Variants in ATRN observed in about 807,000 individuals in gnomAD.
ATRN encodes the protein attractin-2.
In ATRN, 54 loss-of-function variants were observed where a neutral mutation model predicts 178.7. The observed-to-expected ratio is 0.30, with a 90% CI of 0.24 to 0.38. The LOEUF (loss-of-function observed/expected upper bound fraction) is 0.38, where lower values mean the gene tolerates loss of function less well. ATRN is among the 10% of genes least tolerant of loss of function. ATRN has a pLI of 1.00. For synonymous variants in ATRN, 636 were observed against 663.0 expected, an observed-to-expected ratio of 0.96 and a Z score of 0.63; for missense variants, 1,443 against 1,815.1, an observed-to-expected ratio of 0.79 and a Z score of 3.73.
chr20:3,560,178 C>T (rs2085931465), intron 7 of ATRN, among the ~76,000 whole-genome samples: 1 of 152,020 alleles, frequency 6.6e-6, no homozygotes, highest in Non-Finnish European at 1.5e-5. Flanking sequence ...CTCTGGTAAC[C>T]ACCAGTCTAC....
At chr20:3,591,135 T>C (rs17782628) in intron 18 of ATRN, 34 bp from the exon 19 acceptor site, 74,867 of 1,561,006 alleles carry the variant, frequency 0.048, 2,061 homozygotes, top group Non-Finnish European at 0.055. Flanking sequence ...AGTTCTTCCA[T>C]GGTACAGACC....
chr20:3,609,936 G>C (rs1414997347), intron 24 of ATRN, among the ~76,000 whole-genome samples: 2 of 152,142 alleles, frequency 1.3e-5, no homozygotes, highest in African/African-American at 4.8e-5. Flanking sequence ...AAGTGGATTG[G>C]AGGTTACCAG....
At chr20:3,552,015 TCTTA>T (rs1751726623) in intron 6 of ATRN, among the ~76,000 whole-genome samples, 1 of 152,242 alleles carries the variant, frequency 6.6e-6, no homozygotes, top group African/African-American at 2.4e-5. Context: ...TTAGTTCTTA[TCTTA>T]CTTGATCTGG....
chr20:3,611,970 C>T (rs897640962), intron 24 of ATRN, among the ~76,000 whole-genome samples: 2 of 152,206 alleles, frequency 1.3e-5, no homozygotes, highest in Non-Finnish European at 2.9e-5. Flanking sequence ...TATCATATAA[C>T]CCAGCAATTG....
At chr20:3,523,887 A>C (rs1356387834) in intron 1 of ATRN, among the ~76,000 whole-genome samples, 1 of 152,238 alleles carries the variant, frequency 6.6e-6, no homozygotes, top group Non-Finnish European at 1.5e-5. Context: ...TGTCATCACC[A>C]GGCCTGCCTT....
chr20:3,521,520 G>A (rs1006574067), intron 1 of ATRN, among the ~76,000 whole-genome samples: 5 of 152,104 alleles, frequency 3.3e-5, no homozygotes, highest in African/African-American at 1.2e-4. Context: ...GAACTAAAAT[G>A]GGAAATGTGC....
At chr20:3,472,506 G>A (rs568984300) in intron 1 of ATRN, among the ~76,000 whole-genome samples, 89 of 152,312 alleles carry the variant, frequency 5.8e-4, no homozygotes, top group Admixed American at 5.7e-3. Context: ...ATTCTAGTGG[G>A]AGCAACAGGC....
chr20:3,490,448 C>T (rs1274370983), intron 1 of ATRN: 1 of 947,342 alleles, frequency 1.1e-6, no homozygotes, highest in Non-Finnish European at 1.8e-6. Context: ...TGAAGTTACT[C>T]AAGCAGCATC....
At chr20:3,642,138 T>A (rs2087073997) in intron 27 of ATRN, among the ~76,000 whole-genome samples, 1 of 152,216 alleles carries the variant, frequency 6.6e-6, no homozygotes. Flanking sequence ...CTCTTCATCT[T>A]TTGACAGTGG....
chr20:3,588,147 C>T (rs117812222), intron 18 of ATRN, among the ~76,000 whole-genome samples: 5,810 of 152,250 alleles, frequency 0.038, 147 homozygotes, highest in Non-Finnish European at 0.056. Flanking sequence ...CACGCCTGGC[C>T]CTTGCCATCT....
chr20:3,572,652 TAAA>T (rs11475024), intron 11 of ATRN, 76 bp from the exon 12 acceptor site: 9,567 of 1,011,060 alleles, frequency 9.5e-3, no homozygotes, highest in South Asian at 0.017. Context: ...CCCTGTCTCT[TAAA>T]AAAAAAAAAA....
intron 1 of ATRN, chr20:3,489,937 T>C: frequency 8.9e-7 from 1 of 1,121,668 alleles, no homozygotes; most frequent in Non-Finnish European, 1.4e-6. Flanking sequence ...TCACTCTCAC[T>C]CTTACTGATC....
chr20:3,544,511 GGT>G (rs1309139054), intron 3 of ATRN, among the ~76,000 whole-genome samples: 1 of 152,116 alleles, frequency 6.6e-6, no homozygotes, highest in Middle Eastern at 3.2e-3. Flanking sequence ...TGGTGGTGGT[GGT>G]GGTGGTGGTG....
chr20:3,600,007 C>T (rs1311897200), intron 22 of ATRN, among the ~76,000 whole-genome samples: 1 of 152,112 alleles, frequency 6.6e-6, no homozygotes. Context: ...TTATTCTAAC[C>T]TCTCAAGATC....
chr20:3,638,961 A>T lies in ATRN; in HGVS notation c.4050+26A>T. The T allele has an allele frequency of 1.3e-6, 2 of 1,589,046 alleles. No individual in the cohort carries two copies. Among genetic ancestry groups the T allele is most frequent in the South Asian group, 1.1e-5 (1 of 87,984 alleles). On this transcript the variant is annotated intron_variant, in intron 27 of 28. Transcript: ENST00000262919. This position sits in a 1 kb window ranked among gnomAD's most constrained non-coding sequence, Gnocchi z 4.5. ...GTGAGAATGTGACTCAGAAGTCCCT[A>T]TAACTTGACTTTTTAAAACTTAGGC...
At chr20:3,530,285 A>G (rs991067208) in intron 1 of ATRN, among the ~76,000 whole-genome samples, 1 of 149,062 alleles carries the variant, frequency 6.7e-6, no homozygotes, top group Non-Finnish European at 1.5e-5. Flanking sequence ...TCTTTTGGAG[A>G]CAGAGTTTTG....
chr20:3,558,674 A>G (rs534764746), intron 6 of ATRN, among the ~76,000 whole-genome samples: 1 of 149,994 alleles, frequency 6.7e-6, no homozygotes, highest in Non-Finnish European at 1.5e-5. Flanking sequence ...GGCATCTTTT[A>G]AAAAAAACTT....
At chr20:3,597,127 G>A (rs950607345) in intron 21 of ATRN, among the ~76,000 whole-genome samples, 2 of 146,292 alleles carry the variant, frequency 1.4e-5, no homozygotes, top group African/African-American at 5.1e-5. Flanking sequence ...GTGGGGAAAA[G>A]TTGTTAGATA....
intron 14 of ATRN, 50 bp from the exon 15 acceptor site, chr20:3,578,529 AGTT>A: frequency 6.8e-7 from 1 of 1,469,936 alleles, no homozygotes; most frequent in Non-Finnish European, 9.3e-7. Flanking sequence ...ATAATACAGT[AGTT>A]TTGTCTGATT....
Sources: allele counts gnomAD v4.1 joint callset (sites outside exome capture counted in the v4.1 genomes callset), GRCh38; gene constraint gnomAD v4.1.1; non-coding constraint Gnocchi (gnomAD v3.1); transcripts MANE v1.5; gene names NCBI Gene and HGNC (gene_info 2026-07-23, HGNC 2026-07-21).